The following FBXL17 variants were observed in gnomAD, a reference collection of about 807,000 sequenced individuals.
FBXL17 encodes F-box and leucine rich repeat protein 17, also known as F-box/LRR-repeat protein 17.
FBXL17 carries 22 observed loss-of-function variants against 66.2 expected under a neutral mutation model. The observed-to-expected ratio is 0.33, with a 90% CI of 0.24 to 0.47. The LOEUF is 0.47. FBXL17 is among the 20% of genes least tolerant of loss of function. The pLI is 1.00. For missense variants in FBXL17, 878 were observed against 948.2 expected, an observed-to-expected ratio of 0.93 and a Z score of 0.97; for synonymous variants, 474 against 400.5, an observed-to-expected ratio of 1.18 and a Z score of -2.19.
At chr5:108,062,025 A>G (rs1163860435) in intron 6 of FBXL17, among the ~76,000 whole-genome samples, 1 of 152,130 alleles carries the variant, frequency 6.6e-6, no homozygotes, top group Non-Finnish European at 1.5e-5. Context: ...GGGATTACAA[A>G]TTCTGAGTAT....
At chr5:107,879,278 T>C (rs1383587416) in intron 8 of FBXL17, 10 of 985,336 alleles carry the variant, frequency 1.0e-5, no homozygotes, top group Non-Finnish European at 1.2e-5. Flanking sequence ...TTAGCATTCA[T>C]GTGGCAGTTC....
chr5:107,939,452 T>G (rs942796431), intron 7 of FBXL17, among the ~76,000 whole-genome samples: 1 of 152,058 alleles, frequency 6.6e-6, no homozygotes, highest in African/African-American at 2.4e-5. Context: ...CCTCCACAGA[T>G]TCGGGCCACG....
intron 6 of FBXL17, among the ~76,000 whole-genome samples, chr5:108,180,835 G>A (rs1212040184): frequency 6.6e-6 from 1 of 151,878 alleles, no homozygotes; most frequent in African/African-American, 2.4e-5. Flanking sequence ...TAATTCATGA[G>A]CATGCATGGT....
rs765399250 is a variant in FBXL17 at position 108,002,182 on chromosome 5, A to ATTT, written c.1822+18740_1822+18742dup. Among the ~76,000 whole-genome samples the ATTT allele has an allele frequency of 4.6e-4, 50 of 109,442 alleles. 3 individuals are homozygous for ATTT. Among genetic ancestry groups the ATTT allele is most frequent in the African/African-American group, 1.7e-3 (39 of 22,304 alleles). The allele number at this position is 109,442 out of a possible 152,430, so 71.8% of individuals were successfully genotyped here. ...TGGCACACACCACCACACCCAGCTA[A>ATTT]TTTTTTTTTTTTTTTTTTTTTTAGT... On this transcript the variant is annotated intron_variant, in intron 7 of 8. Coordinates refer to ENST00000542267, the MANE Select transcript of FBXL17 (RefSeq NM_001163315.3).
chr5:107,999,482 CACCA>C (rs1449555047), intron 7 of FBXL17, among the ~76,000 whole-genome samples: 7 of 148,080 alleles, frequency 4.7e-5, no homozygotes, highest in African/African-American at 1.5e-4. Flanking sequence ...CACACACACA[CACCA>C]CACACACACA....
intron 4 of FBXL17, among the ~76,000 whole-genome samples, chr5:108,292,618 CA>C (rs1034049231): frequency 3.3e-5 from 5 of 152,234 alleles, no homozygotes; most frequent in East Asian, 3.9e-4. Context: ...CATGACCTCA[CA>C]AAAAACCTCT....
intron 4 of FBXL17, among the ~76,000 whole-genome samples, chr5:108,232,385 A>G (rs1755384393): frequency 6.6e-6 from 1 of 152,022 alleles, no homozygotes; most frequent in Non-Finnish European, 1.5e-5. Context: ...GTATGGGTTC[A>G]AGTTGGCAAG....
chr5:108,338,313 T>A lies in FBXL17; in HGVS notation c.1506+10086A>T, dbSNP rs149395148. 3.0e-3 allele frequency among the ~76,000 whole-genome samples: 462 copies of A among 152,120 alleles called. 5 individuals are homozygous for A. Among genetic ancestry groups the A allele is most frequent in the African/African-American group, 0.011 (441 of 41,532 alleles). ...TATTCTCAAAGATATACAGTAAAAA[T>A]GAAAATAAAAGAAAATCACCCAACT... On this transcript the variant is annotated intron_variant, in intron 4 of 8. Coordinates refer to ENST00000542267, the MANE Select transcript of FBXL17 (RefSeq NM_001163315.3).
At position 107,955,881 on chromosome 5, in the gene FBXL17, T is replaced by C. The variant is rs74768931; in HGVS notation, c.1822+65044A>G. Among the ~76,000 whole-genome samples the C allele has an allele frequency of 1.7e-3, 258 of 152,228 alleles. 1 individual carries two copies. Among genetic ancestry groups the C allele is most frequent in the African/African-American group, 5.8e-3 (241 of 41,544 alleles). On this transcript the variant is annotated intron_variant, in intron 7 of 8. Coordinates refer to ENST00000542267, the MANE Select transcript of FBXL17 (RefSeq NM_001163315.3). The stretch of plus-strand genomic sequence containing the variant: ...AGAGAAAGGTTCCTCAAAATACTAA[T>C]AGATATCAATCTCAAATAAATTCTG...
At chr5:108,163,672 A>T (rs183240078) in intron 6 of FBXL17, among the ~76,000 whole-genome samples, 1 of 152,306 alleles carries the variant, frequency 6.6e-6, no homozygotes, top group Non-Finnish European at 1.5e-5. Flanking sequence ...AAGTGCTGGG[A>T]TTACAGGCAT....
intron 7 of FBXL17, among the ~76,000 whole-genome samples, chr5:107,894,210 T>C (rs1036863364): frequency 2.0e-5 from 3 of 152,190 alleles, no homozygotes; most frequent in South Asian, 2.1e-4. Context: ...TCCTGAAAGA[T>C]AGCTAAAGGT....
intron 5 of FBXL17, among the ~76,000 whole-genome samples, chr5:108,197,872 T>C (rs1315828692): frequency 2.6e-5 from 4 of 152,206 alleles, no homozygotes; most frequent in East Asian, 1.9e-4. Flanking sequence ...GAAAATCTCA[T>C]GGCCTTACAT....
chr5:107,875,871 C>T (rs949036859), intron 8 of FBXL17, among the ~76,000 whole-genome samples: 3 of 152,210 alleles, frequency 2.0e-5, no homozygotes, highest in Non-Finnish European at 4.4e-5. Flanking sequence ...AGGTCCCTGG[C>T]CTGAAGGCAG....
chr5:108,218,798 G>A (rs1754721738), intron 5 of FBXL17, among the ~76,000 whole-genome samples: 1 of 152,038 alleles, frequency 6.6e-6, no homozygotes, highest in South Asian at 2.1e-4. Context: ...TTACTATTGA[G>A]TCGAGTTCCT....
chr5:108,220,481 T>C (rs538691651), intron 5 of FBXL17, among the ~76,000 whole-genome samples: 1 of 152,346 alleles, frequency 6.6e-6, no homozygotes, highest in East Asian at 1.9e-4. Context: ...TAAAAACCAT[T>C]GTTTCCTATA....
intron 4 of FBXL17, among the ~76,000 whole-genome samples, chr5:108,341,921 A>T (rs1393246082): frequency 1.3e-5 from 2 of 152,170 alleles, no homozygotes; most frequent in African/African-American, 4.8e-5. Context: ...TTCAAATGTC[A>T]CTTACTATTT....
At position 108,356,675 on chromosome 5, in the gene FBXL17, C is replaced by T. The variant is rs541308800; in HGVS notation, c.1374+8063G>A. Among the ~76,000 whole-genome samples the T allele has an allele frequency of 1.3e-4, 19 of 151,748 alleles. No individual in the cohort carries two copies. In the South Asian group the frequency reaches 3.7e-3, roughly 30 times the overall value. On this transcript the variant is annotated intron_variant, in intron 3 of 8. Coordinates refer to ENST00000542267, the MANE Select transcript of FBXL17 (RefSeq NM_001163315.3). ...GTTGCCAGGAGTTAGAGGGGAGGAG[C>T]GAATAAATAGGCAGAATACAGAGGA... is the stretch of plus-strand genomic sequence containing the variant.
At chr5:107,897,755 G>A (rs985117049) in intron 7 of FBXL17, among the ~76,000 whole-genome samples, 1 of 151,826 alleles carries the variant, frequency 6.6e-6, no homozygotes, top group South Asian at 2.1e-4. Flanking sequence ...CAGTCTGGAA[G>A]CATGACACCA....
chr5:108,262,078 A>ATTTTTTTT (rs1479354239), intron 4 of FBXL17, among the ~76,000 whole-genome samples: 16 of 111,660 alleles, frequency 1.4e-4, no homozygotes, highest in Admixed American at 4.6e-4. Flanking sequence ...TTATTTATTT[A>ATTTTTTTT]TTTATTTATT....
Sources: gnomAD v4.1 joint callset for allele counts (sites outside exome capture counted in the v4.1 genomes callset) on GRCh38, gnomAD v4.1.1 for gene constraint, MANE v1.5 for transcripts, NCBI Gene and HGNC (gene_info 2026-07-23, HGNC 2026-07-21) for gene names.